The following NRF1 variants were observed in gnomAD, a reference collection of about 807,000 sequenced individuals.
The protein encoded by NRF1 is nuclear respiratory factor 1.
NRF1 carries 5 observed loss-of-function variants against 58.5 expected under a neutral mutation model. The observed-to-expected ratio is 0.09, with a 90% CI of 0.04 to 0.18. The LOEUF is 0.18. NRF1 is among the 10% of genes least tolerant of loss of function. The pLI is 1.00. For missense variants in NRF1, 288 were observed against 657.7 expected (o/e 0.44, Z 6.15); for synonymous variants, 224 against 246.7 (o/e 0.91, Z 0.86).
chr7:129,675,904 A>G (rs886392077), intron 3 of NRF1, among the ~76,000 whole-genome samples: 4 of 152,198 alleles, frequency 2.6e-5, no homozygotes, highest in South Asian at 2.1e-4. Flanking sequence ...TCTAGCTAGG[A>G]AAGTCCTAGA....
At chr7:129,676,890 AATATAAACAATGAG>A (rs1379583694) in intron 3 of NRF1, among the ~76,000 whole-genome samples, 1 of 152,238 alleles carries the variant, frequency 6.6e-6, no homozygotes, top group Non-Finnish European at 1.5e-5. Flanking sequence ...ATCTCAATGA[AATATAAACAATGAG>A]ATATAAACAA....
chr7:129,729,317 A>T (rs553449236), intron 10 of NRF1, among the ~76,000 whole-genome samples: 2 of 152,294 alleles, frequency 1.3e-5, no homozygotes, highest in East Asian at 3.9e-4. Flanking sequence ...GCTACTATTG[A>T]TTACTGGAAG....
chr7:129,698,291 T>G (rs1460655054), intron 5 of NRF1, among the ~76,000 whole-genome samples: 1 of 136,832 alleles, frequency 7.3e-6, no homozygotes, highest in Non-Finnish European at 1.5e-5. Flanking sequence ...TTTTAGTCTC[T>G]TCTTTTGGTG....
At chr7:129,676,055 T>C (rs990137160) in intron 3 of NRF1, among the ~76,000 whole-genome samples, 36 of 152,246 alleles carry the variant, frequency 2.4e-4, no homozygotes, top group African/African-American at 8.4e-4. Context: ...TTTTATGTAA[T>C]GGAGATGGCT....
chr7:129,682,448 A>G (rs2151088673), intron 4 of NRF1, among the ~76,000 whole-genome samples: 1 of 151,366 alleles, frequency 6.6e-6, no homozygotes, highest in Non-Finnish European at 1.5e-5. Flanking sequence ...ACAGAGCAAG[A>G]CCCTGTCCCA....
At chr7:129,733,061 A>T (rs1584681678) in intron 10 of NRF1, among the ~76,000 whole-genome samples, 1 of 151,984 alleles carries the variant, frequency 6.6e-6, no homozygotes, top group African/African-American at 2.4e-5. Flanking sequence ...ACAAAGCGAG[A>T]CTGTCTCAAA....
intron 1 of NRF1, among the ~76,000 whole-genome samples, chr7:129,646,889 A>G (rs1476299302): frequency 1.3e-5 from 2 of 152,330 alleles, no homozygotes; most frequent in Middle Eastern, 3.4e-3. Flanking sequence ...GGAGAGTTAC[A>G]GAAACTGTAA....
chr7:129,617,967 T>G (rs535962469), intron 1 of NRF1, among the ~76,000 whole-genome samples: 1 of 152,296 alleles, frequency 6.6e-6, no homozygotes, highest in South Asian at 2.1e-4. Flanking sequence ...AGTTTGTAAT[T>G]CCATGCTCAT....
At chr7:129,708,678 T>C (rs1456738987) in intron 5 of NRF1, among the ~76,000 whole-genome samples, 1 of 152,232 alleles carries the variant, frequency 6.6e-6, no homozygotes, top group African/African-American at 2.4e-5. Context: ...TATTTCTCTC[T>C]TATCTAATTG....
chr7:129,752,426 G>T (rs892011777), intron 10 of NRF1, among the ~76,000 whole-genome samples: 1 of 152,168 alleles, frequency 6.6e-6, no homozygotes, highest in African/African-American at 2.4e-5. Context: ...GATGAGACTG[G>T]AAAGATGGAC....
chr7:129,729,725 A>G (rs1803535018), intron 10 of NRF1, among the ~76,000 whole-genome samples: 1 of 152,242 alleles, frequency 6.6e-6, no homozygotes, highest in African/African-American at 2.4e-5. Flanking sequence ...GATTGGAACC[A>G]GATTTTTCCC....
chr7:129,688,965 T>C (rs1463058759), intron 4 of NRF1, among the ~76,000 whole-genome samples: 1 of 152,138 alleles, frequency 6.6e-6, no homozygotes, highest in Non-Finnish European at 1.5e-5. Context: ...GCAGCATAAA[T>C]ACTATCTAGA....
At chr7:129,634,041 A>AAAAAATATAT (rs1163693215) in intron 1 of NRF1, among the ~76,000 whole-genome samples, 16 of 113,804 alleles carry the variant, frequency 1.4e-4, no homozygotes, top group African/African-American at 5.7e-4. Context: ...AAAAAAAAAA[A>AAAAAATATAT]AGATATATAT....
chr7:129,727,094 A>C (rs568495355), intron 9 of NRF1, 147 bp from the exon 10 acceptor site: 2 of 680,352 alleles, frequency 2.9e-6, no homozygotes, highest in East Asian at 3.5e-5. Flanking sequence ...GGCTTTATCT[A>C]TTAGCACTGT....
At chr7:129,653,199 A>G (rs1584610100) in intron 1 of NRF1, among the ~76,000 whole-genome samples, 1 of 152,282 alleles carries the variant, frequency 6.6e-6, no homozygotes, top group South Asian at 2.1e-4. Flanking sequence ...TGGCTGGCTT[A>G]TTTCACTGAG....
At chr7:129,716,133 A>G (rs1196901931) in intron 8 of NRF1, among the ~76,000 whole-genome samples, 1 of 152,234 alleles carries the variant, frequency 6.6e-6, no homozygotes, top group Non-Finnish European at 1.5e-5. Context: ...AGCAAGATAC[A>G]AAAGATATGT....
At chr7:129,693,748 A>G (rs1802623709) in intron 5 of NRF1, among the ~76,000 whole-genome samples, 3 of 152,172 alleles carry the variant, frequency 2.0e-5, no homozygotes, top group Non-Finnish European at 2.9e-5. Flanking sequence ...CATAAAGTGA[A>G]TTATTTTTAT....
chr7:129,658,398 C>G (rs912206128), intron 2 of NRF1, among the ~76,000 whole-genome samples: 38 of 152,048 alleles, frequency 2.5e-4, no homozygotes, highest in African/African-American at 7.5e-4. Flanking sequence ...TTGAGACCAG[C>G]CTGGGCAATG....
chr7:129,671,050 A>T (rs1430001878), intron 2 of NRF1, among the ~76,000 whole-genome samples: 5 of 152,102 alleles, frequency 3.3e-5, no homozygotes, highest in Admixed American at 3.3e-4. Flanking sequence ...AAATCTGTAA[A>T]TTTTTTCAAT....
Sources: allele counts gnomAD v4.1 joint callset (sites outside exome capture counted in the v4.1 genomes callset), GRCh38; gene constraint gnomAD v4.1.1; transcripts MANE v1.5; gene names NCBI Gene and HGNC (gene_info 2026-07-23, HGNC 2026-07-21).